Variants in RBFOX3 observed in about 807,000 individuals in gnomAD.
RBFOX3 encodes the protein RNA binding protein fox-1 homolog 3.
Under a neutral mutation model 48.7 loss-of-function variants are expected in RBFOX3, and 17 were observed. That is an observed-to-expected ratio of 0.35 (90% CI 0.24 to 0.52). The LOEUF (loss-of-function observed/expected upper bound fraction) is 0.52, where lower values mean the gene tolerates loss of function less well. Ranked by LOEUF, RBFOX3 falls within the 20% of genes least tolerant of loss-of-function variation. RBFOX3 has a pLI of 0.94. For synonymous variants in RBFOX3, 212 were observed against 209.5 expected, an observed-to-expected ratio of 1.01 and a Z score of -0.10; for missense variants, 382 against 497.5, an observed-to-expected ratio of 0.77 and a Z score of 2.21.
chr17:79,399,682 C>T (rs752724185), intron 2 of RBFOX3, among the ~76,000 whole-genome samples: 4 of 152,202 alleles, frequency 2.6e-5, no homozygotes, highest in Admixed American at 6.5e-5. Flanking sequence ...AGACAATGTC[C>T]ATTATGAAAA....
At chr17:79,544,926 A>T (rs1259694743) in intron 1 of RBFOX3, among the ~76,000 whole-genome samples, 2 of 151,602 alleles carry the variant, frequency 1.3e-5, no homozygotes, top group East Asian at 3.9e-4. Flanking sequence ...ATAAAAAATA[A>T]CATAAAATAA....
chr17:79,117,453 C>T (rs566801266), intron 4 of RBFOX3, among the ~76,000 whole-genome samples: 76 of 152,342 alleles, frequency 5.0e-4, no homozygotes, highest in African/African-American at 1.6e-3. Context: ...ACACCACACA[C>T]GTTAGTTCAG....
intron 4 of RBFOX3, among the ~76,000 whole-genome samples, chr17:79,206,916 C>T (rs1033785383): frequency 3.9e-5 from 6 of 152,326 alleles, no homozygotes; most frequent in South Asian, 2.1e-4. Context: ...TGGCTTTCTT[C>T]CTCCCCATTT....
intron 2 of RBFOX3, among the ~76,000 whole-genome samples, chr17:79,342,921 T>G (rs565559727): frequency 5.7e-4 from 86 of 152,054 alleles, no homozygotes; most frequent in African/African-American, 1.7e-3. Context: ...TTTTCAAGTT[T>G]TGTTAAACAA....
intron 2 of RBFOX3, among the ~76,000 whole-genome samples, chr17:79,469,287 G>A (rs2076763521): frequency 2.0e-5 from 3 of 152,200 alleles, no homozygotes; most frequent in African/African-American, 7.2e-5. Flanking sequence ...TGTCTGACAT[G>A]TATGCTGGGC....
chr17:79,440,062 TG>T (rs2070534180), intron 2 of RBFOX3, among the ~76,000 whole-genome samples: 4 of 152,108 alleles, frequency 2.6e-5, no homozygotes, highest in African/African-American at 9.6e-5. Flanking sequence ...AGAGGGCACT[TG>T]GGGGGATCTG....
chr17:79,417,911 A>G (rs1472595428), intron 2 of RBFOX3, among the ~76,000 whole-genome samples: 2 of 152,254 alleles, frequency 1.3e-5, no homozygotes, highest in African/African-American at 4.8e-5. Flanking sequence ...ATTCTGACAC[A>G]CACAACATGG....
In RBFOX3 at chr17:79,146,177, C is replaced by T. The variant is rs563789720; in HGVS notation, c.-33-30429G>A. Among the ~76,000 whole-genome samples, 25 of 152,262 alleles carry T rather than the reference C, an allele frequency of 1.6e-4. No homozygotes were observed. In the South Asian group the frequency reaches 2.3e-3, roughly 14 times the overall value. ...TGCCCGCTGCTCACCTCCTGCTGTGCGCCCCAGTTCCCACCAAGCCATGGA... is the reference window on the plus strand; with the variant it reads ...TGCCCGCTGCTCACCTCCTGCTGTGTGCCCCAGTTCCCACCAAGCCATGGA... On this transcript the variant is annotated intron_variant, in intron 4 of 14. Transcript: ENST00000693108.
intron 10 of RBFOX3, 88 bp from the exon 11 acceptor site, chr17:79,097,512 A>G: frequency 1.1e-6 from 1 of 882,310 alleles, no homozygotes; most frequent in Non-Finnish European, 1.3e-6. Context: ...CCCCCCGCGC[A>G]CCTAGCCCCC....
chr17:79,373,011 C>T (rs533043945), intron 2 of RBFOX3, among the ~76,000 whole-genome samples: 7 of 152,270 alleles, frequency 4.6e-5, no homozygotes, highest in Non-Finnish European at 8.8e-5. Context: ...TGGATGGGGC[C>T]GGCCCACTGG....
intron 3 of RBFOX3, among the ~76,000 whole-genome samples, chr17:79,278,629 C>A (rs1248430425): frequency 6.6e-6 from 1 of 152,256 alleles, no homozygotes; most frequent in East Asian, 1.9e-4. Context: ...GCCTGGAGAT[C>A]TGCCCTGCCA....
chr17:79,649,674 T>A, the RBFOX3 span, among the ~76,000 whole-genome samples: 2 of 152,074 alleles, frequency 1.3e-5, no homozygotes, highest in African/African-American at 2.4e-5. Flanking sequence ...CCATTGCACT[T>A]CAGCCGACAG....
intron 1 of RBFOX3, chr17:79,598,740 A>G (rs2093632632): frequency 6.6e-6 from 1 of 152,076 alleles, no homozygotes; most frequent in Admixed American, 6.5e-5. Flanking sequence ...TAAGTTTTTG[A>G]GTTGTTGAGT....
chr17:79,348,846 T>G (rs2006744), intron 2 of RBFOX3, among the ~76,000 whole-genome samples: 146,758 of 151,698 alleles, frequency 0.97, 71,161 homozygotes, highest in South Asian at 1. Flanking sequence ...AAAGTGCTGG[T>G]ATTACAGACA....
At chr17:79,441,039 C>G (rs1396385148) in intron 2 of RBFOX3, among the ~76,000 whole-genome samples, 3 of 152,242 alleles carry the variant, frequency 2.0e-5, no homozygotes, top group African/African-American at 7.2e-5. Context: ...GGTCACACAC[C>G]TGGGGGTGCA....
chr17:79,196,807 T>C (rs983598118), intron 4 of RBFOX3, among the ~76,000 whole-genome samples: 5 of 152,220 alleles, frequency 3.3e-5, no homozygotes, highest in Admixed American at 6.5e-5. Context: ...GAATGCATTA[T>C]GCTTATTTTC....
At chr17:79,101,523 C>T in intron 9 of RBFOX3, 61 bp downstream of exon 9, 1 of 1,436,794 alleles carries the variant, frequency 7.0e-7, no homozygotes, top group Non-Finnish European at 9.6e-7. Context: ...CCTCAGCTCC[C>T]CCAGGGCCTC....
intron 1 of RBFOX3, among the ~76,000 whole-genome samples, chr17:79,587,163 G>A (rs1195893931): frequency 6.6e-6 from 1 of 152,182 alleles, no homozygotes; most frequent in Non-Finnish European, 1.5e-5. Context: ...ACCCTGTGGT[G>A]CCTCCACTCT....
chr17:79,292,357 C>T (rs945343235), intron 3 of RBFOX3, among the ~76,000 whole-genome samples: 13 of 152,046 alleles, frequency 8.6e-5, no homozygotes, highest in Non-Finnish European at 1.6e-4. Flanking sequence ...TTGTGCCTTC[C>T]TTGTCTCCCC....
Sources: allele counts gnomAD v4.1 joint callset (sites outside exome capture counted in the v4.1 genomes callset), GRCh38; gene constraint gnomAD v4.1.1; transcripts MANE v1.5; gene names NCBI Gene and HGNC (gene_info 2026-07-23, HGNC 2026-07-21).